Variants in GARIN1B observed in about 807,000 individuals in gnomAD.
GARIN1B encodes the protein golgi associated RAB2 interactor 1B, also known as Golgi-associated RAB2 interactor protein 1B.
At chr7:128,713,945 C>T in the GARIN1B span, 1 of 1,517,474 alleles carries the variant, frequency 6.6e-7, no homozygotes, top group Non-Finnish European at 8.8e-7. Context: ...GAAATGCAAA[C>T]CAAAGGATGT....
chr7:128,727,664 C>T, the GARIN1B span, among the ~76,000 whole-genome samples: 2 of 152,178 alleles, frequency 1.3e-5, no homozygotes, highest in Non-Finnish European at 2.9e-5. Flanking sequence ...TAATAGCAGC[C>T]CTCTGCCTAA....
chr7:128,718,479 A>G, the GARIN1B span, among the ~76,000 whole-genome samples: 1 of 152,012 alleles, frequency 6.6e-6, no homozygotes, highest in Non-Finnish European at 1.5e-5. Flanking sequence ...ACAGAAAGAA[A>G]TTGTAAAATC....
the GARIN1B span, among the ~76,000 whole-genome samples, chr7:128,728,453 A>G: frequency 7.0e-6 from 1 of 142,220 alleles, no homozygotes; most frequent in African/African-American, 2.6e-5. Context: ...AAAAAAAAAA[A>G]TGGATAAAGG....
At chr7:128,714,083 G>A in the GARIN1B span, 1 of 1,535,966 alleles carries the variant, frequency 6.5e-7, no homozygotes, top group Non-Finnish European at 8.7e-7. Context: ...AGGTGCTGGA[G>A]CAGGGGTGTG....
At chr7:128,724,043 C>T in the GARIN1B span, among the ~76,000 whole-genome samples, 3 of 152,210 alleles carry the variant, frequency 2.0e-5, no homozygotes, top group Admixed American at 6.5e-5. Context: ...AAGAGTCTCA[C>T]TCTGTCGCCC....
chr7:128,731,697 T>C, the GARIN1B span: 40 of 154,708 alleles, frequency 2.6e-4, no homozygotes, highest in Non-Finnish European at 5.0e-4. Flanking sequence ...TTTCTATCTG[T>C]TTTTCTTGCT....
the GARIN1B span, chr7:128,715,749 A>G: frequency 1.4e-6 from 2 of 1,422,072 alleles, no homozygotes; most frequent in Non-Finnish European, 2.0e-6. Context: ...TTCCCAAGAT[A>G]TGACTGAGAG....
At chr7:128,719,079 C>T in the GARIN1B span, 372,331 of 1,612,520 alleles carry the variant, frequency 0.23, 44,289 homozygotes, top group East Asian at 0.35. Context: ...TCAGGAGATT[C>T]GAAGGTAAGT....
the GARIN1B span, among the ~76,000 whole-genome samples, chr7:128,721,077 G>A: frequency 6.6e-6 from 1 of 151,792 alleles, no homozygotes; most frequent in East Asian, 1.9e-4. Flanking sequence ...ATAATATTGT[G>A]TCTTCCAACA....
At chr7:128,728,675 G>A in the GARIN1B span, among the ~76,000 whole-genome samples, 1 of 152,142 alleles carries the variant, frequency 6.6e-6, no homozygotes, top group African/African-American at 2.4e-5. Flanking sequence ...TTTTTCAAGA[G>A]AAGCCAAAAG....
the GARIN1B span, among the ~76,000 whole-genome samples, chr7:128,712,059 CA>C: frequency 1.3e-5 from 2 of 151,698 alleles, no homozygotes; most frequent in African/African-American, 4.8e-5. Context: ...AAAACAAAAA[CA>C]AAAAAAACCT....
chr7:128,727,947 G>A, the GARIN1B span, among the ~76,000 whole-genome samples: 1 of 152,182 alleles, frequency 6.6e-6, no homozygotes, highest in Non-Finnish European at 1.5e-5. Flanking sequence ...ACAGCATGAA[G>A]CAGAGGCCTG....
the GARIN1B span, among the ~76,000 whole-genome samples, chr7:128,713,243 G>A: frequency 5.9e-5 from 9 of 152,118 alleles, no homozygotes; most frequent in Non-Finnish European, 8.8e-5. Flanking sequence ...GGACATGGAG[G>A]TTGCAGTGAG....
At chr7:128,730,559 C>A in the GARIN1B span, among the ~76,000 whole-genome samples, 1 of 152,274 alleles carries the variant, frequency 6.6e-6, no homozygotes, top group Middle Eastern at 3.4e-3. Flanking sequence ...TGAAGTACTT[C>A]CTATGTGCCT....
chr7:128,716,840 G>A, the GARIN1B span: 158 of 1,612,564 alleles, frequency 9.8e-5, no homozygotes, highest in African/African-American at 1.8e-3. Context: ...TTGGAGAGAC[G>A]TCTACAAAGC....
At chr7:128,718,748 G>T in the GARIN1B span, 1 of 1,533,512 alleles carries the variant, frequency 6.5e-7, no homozygotes, top group Admixed American at 1.8e-5. Context: ...TAGTCCTAAA[G>T]GAGACCTGCC....
At chr7:128,712,232 G>A in the GARIN1B span, among the ~76,000 whole-genome samples, 9 of 152,122 alleles carry the variant, frequency 5.9e-5, no homozygotes, top group Non-Finnish European at 1.0e-4. Context: ...GGCCCTAGGA[G>A]GACCTCTAGC....
At chr7:128,721,026 A>G in the GARIN1B span, among the ~76,000 whole-genome samples, 44 of 152,274 alleles carry the variant, frequency 2.9e-4, no homozygotes, top group African/African-American at 1.0e-3. Context: ...TGATAAGCAC[A>G]TGTTGAATTT....
the GARIN1B span, chr7:128,724,761 C>CA: frequency 7.8e-7 from 1 of 1,289,556 alleles, no homozygotes; most frequent in Admixed American, 2.3e-5. Context: ...AGAATTTTGT[C>CA]ACAACAGGAA....
Sources: allele counts gnomAD v4.1 joint callset (sites outside exome capture counted in the v4.1 genomes callset), GRCh38; gene constraint gnomAD v4.1.1; transcripts MANE v1.5; gene names NCBI Gene and HGNC (gene_info 2026-07-23, HGNC 2026-07-21).